The following PRRC2B variants were observed in gnomAD, a reference collection of about 807,000 sequenced individuals.
PRRC2B encodes proline rich coiled-coil 2B.
Under a neutral mutation model 242.3 loss-of-function variants are expected in PRRC2B, and 68 were observed. That is an observed-to-expected ratio of 0.28 (90% confidence interval 0.23 to 0.34). PRRC2B has a LOEUF of 0.34. PRRC2B is among the 10% of genes least tolerant of loss of function. PRRC2B has a pLI of 1.00. For synonymous variants in PRRC2B, 1,228 were observed against 1,173.6 expected, an observed-to-expected ratio of 1.05 and a Z score of -0.95; for missense variants, 2,835 against 2,954.8, an observed-to-expected ratio of 0.96 and a Z score of 0.94.
intron 29 of PRRC2B, 124 bp from the exon 30 acceptor site, chr9:131,492,045 A>G (rs904199500): frequency 1.3e-5 from 10 of 747,962 alleles, no homozygotes; most frequent in Middle Eastern, 2.5e-4. Flanking sequence ...CCACTGCTCT[A>G]TAAGATGCCT....
chr9:131,483,509 G>A, intron 23 of PRRC2B, 64 bp downstream of exon 23: 1 of 1,406,800 alleles, frequency 7.1e-7, no homozygotes, highest in Admixed American at 1.7e-5. Flanking sequence ...CTGGGTGAAG[G>A]AGACAGCACA....
rs780735349 is a variant in PRRC2B, at chr9:131,495,843, G to T, written c.6659G>T (p.Arg2220Leu). The change falls in exon 32 of 32, where the codon CGG becomes CTG. Residue 2220 changes from arginine to leucine, a missense_variant. Arg to Leu is a moderately radical substitution (Grantham distance 102, BLOSUM62 -2). Around this residue, in one of 7 missense-constraint regions of PRRC2B, gnomAD observed 574 missense variants for 626.0 expected, o/e 0.92. Transcript: ENST00000683519. ...QMKRTGAIKP[R>L]AVKVEESKA Reference sequence around the variant, plus strand: ...AAGCGAACCGGAGCGATCAAGCCTCGGGCTGTCAAAGTGGAGGAGAGTAAG... The same window carrying T: ...AAGCGAACCGGAGCGATCAAGCCTCTGGCTGTCAAAGTGGAGGAGAGTAAG... 6 of 1,610,412 alleles carry T rather than the reference G, an allele frequency of 3.7e-6. No homozygotes were observed. The highest frequency in any genetic ancestry group is 2.2e-5 in the East Asian group (1 of 44,770).
chr9:131,495,694 T>G (rs1427261319), intron 31 of PRRC2B, 46 bp from the exon 32 acceptor site: 16 of 1,584,010 alleles, frequency 1.0e-5, no homozygotes, highest in Non-Finnish European at 1.3e-5. Context: ...TCCAAACACG[T>G]TTCAGCGTCA....
intron 10 of PRRC2B, among the ~76,000 whole-genome samples, chr9:131,456,719 C>CT (rs1943092336): frequency 6.6e-6 from 1 of 151,980 alleles, no homozygotes; most frequent in South Asian, 2.1e-4. Context: ...GGTGGGAGGA[C>CT]TACTGGAATC....
rs764717424 is a variant in PRRC2B, at chr9:131,484,937, T to C, written c.5566-11T>C. On this transcript the variant is annotated splice_polypyrimidine_tract_variant and intron_variant, in intron 24 of 31. Transcript: ENST00000683519. ...TAATTTTCATCCCTCCCCCTCCCCT[T>C]GCTTCTGAAGATGGAGTCTGCGCGC... 1.2e-6 allele frequency: 2 copies of C among 1,601,238 alleles called. No homozygotes were observed. The highest frequency in any genetic ancestry group is 1.7e-6 in the Non-Finnish European group (2 of 1,169,952).
chr9:131,390,103 CAG>C (rs770138628), upstream of PRRC2B, among the ~76,000 whole-genome samples: 7 of 149,210 alleles, frequency 4.7e-5, no homozygotes, highest in Non-Finnish European at 1.0e-4. Flanking sequence ...TTGGTAGAGA[CAG>C]GGTTTCACCG....
Position 131,481,723 on chromosome 9 carries a change from C to T in PRRC2B, c.4901-3C>T, listed in dbSNP as rs749942050. 2 of 1,559,054 alleles carry T rather than the reference C, an allele frequency of 1.3e-6. No individual in the cohort carries two copies. The highest frequency in any genetic ancestry group is 4.8e-5 in the East Asian group (2 of 41,478). On this transcript the variant is annotated splice_polypyrimidine_tract_variant and splice_region_variant and intron_variant, in intron 19 of 31. Transcript: ENST00000683519. ...CCCTGACTCTGTCTTCCTCCCCTGG[C>T]AGCTCTCCCTGTGCAGGCCCCAGCC... is the stretch of plus-strand genomic sequence containing the variant.
chr9:131,382,639 T>C (rs1836775825), intron 1 of PRRC2B, among the ~76,000 whole-genome samples: 2 of 150,850 alleles, frequency 1.3e-5, no homozygotes, highest in South Asian at 2.1e-4. Context: ...CAGGCCCCCA[T>C]TCCTTTTTTT....
intron 1 of PRRC2B, among the ~76,000 whole-genome samples, chr9:131,402,281 A>G (rs762339527): frequency 3.9e-5 from 6 of 152,124 alleles, no homozygotes; most frequent in Non-Finnish European, 8.8e-5. Flanking sequence ...TGCCCTGCCA[A>G]CCATTTTACT....
chr9:131,420,608 G>A (rs771754673), intron 1 of PRRC2B, among the ~76,000 whole-genome samples: 2 of 147,946 alleles, frequency 1.4e-5, no homozygotes, highest in Middle Eastern at 3.4e-3. Context: ...TCCTGTCTCA[G>A]CCTCCTGAGT....
At chr9:131,409,404 G>A (rs1028441401) in intron 1 of PRRC2B, among the ~76,000 whole-genome samples, 1 of 151,754 alleles carries the variant, frequency 6.6e-6, no homozygotes, top group Admixed American at 6.6e-5. Context: ...GGCTGGTCTC[G>A]AACGCCTGAC....
chr9:131,474,643 G>C lies in PRRC2B; in HGVS notation c.2514G>C (p.Gln838His). 6.2e-7 allele frequency: 1 copy of C among 1,613,908 alleles called. No homozygotes were observed. Among genetic ancestry groups the C allele is most frequent in the East Asian group, 2.2e-5 (1 of 44,882 alleles). Residue 838 changes from glutamine to histidine, a missense_variant, in exon 16 of 32, where the codon CAG becomes CAC. Physicochemically the swap from Gln to His is conservative, Grantham distance 24. Around this residue, in one of 7 missense-constraint regions of PRRC2B, gnomAD observed 1,536 missense variants for 1,483.1 expected, o/e 1.04. Transcript: ENST00000683519. ...TGTTTCCACCCCAAGAAAATGTTCA[G>C]GATGCAGGTGCTCCTGGGGGTCACA... ...ELLFPPQENV[Q>H]DAGAPGGHTQ...
At chr9:131,432,176 A>G (rs1838198846) in intron 2 of PRRC2B, among the ~76,000 whole-genome samples, 1 of 152,170 alleles carries the variant, frequency 6.6e-6, no homozygotes, top group Admixed American at 6.5e-5. Flanking sequence ...TTCACACCCC[A>G]TGAAGACTTC....
intron 1 of PRRC2B, among the ~76,000 whole-genome samples, chr9:131,409,881 A>G (rs1319631804): frequency 6.6e-6 from 1 of 152,276 alleles, no homozygotes; most frequent in Non-Finnish European, 1.5e-5. Context: ...CTACTAAATC[A>G]GATTGTACAA....
intron 11 of PRRC2B, among the ~76,000 whole-genome samples, chr9:131,459,963 C>T (rs1393977280): frequency 2.3e-4 from 21 of 90,844 alleles, no homozygotes; most frequent in Admixed American, 9.7e-4. Flanking sequence ...CAGTGAAACC[C>T]TATCTCCAAA....
intron 1 of PRRC2B, among the ~76,000 whole-genome samples, chr9:131,428,047 G>T (rs746977433): frequency 2.0e-5 from 3 of 151,876 alleles, no homozygotes; most frequent in Admixed American, 1.3e-4. Flanking sequence ...TCAGCCTCCT[G>T]AGTAGCTGGG....
intron 25 of PRRC2B, among the ~76,000 whole-genome samples, 188 bp downstream of exon 25, chr9:131,485,328 G>A (rs779253838): frequency 6.6e-6 from 1 of 152,186 alleles, no homozygotes; most frequent in African/African-American, 2.4e-5. Flanking sequence ...GCTTCCCCAC[G>A]CTGGGAAACA....
At position 131,475,093 on chromosome 9, in the gene PRRC2B, C is replaced by G. The variant is rs566578338; in HGVS notation, c.2964C>G (p.Asp988Glu). 6.8e-6 allele frequency: 11 copies of G among 1,610,704 alleles called. No individual in the cohort carries two copies. Among genetic ancestry groups the G allele is most frequent in the Non-Finnish European group, 8.5e-6 (10 of 1,178,574 alleles). Reference protein sequence around the residue: ...EQSPTAEKDEDEENDASLANS... With the variant: ...EQSPTAEKDEEEENDASLANS... ...GCCCCACGGCAGAAAAGGATGAGGA[C>G]GAAGAGAACGATGCCTCTCTGGCCA... The change falls in exon 16 of 32, where the codon GAC becomes GAG. Residue 988 changes from aspartate (D) to glutamate (E), a missense_variant. By Grantham distance (45) the Asp-to-Glu change is conservative (BLOSUM62 2). Around this residue, in one of 7 missense-constraint regions of PRRC2B, gnomAD observed 1,536 missense variants for 1,483.1 expected, o/e 1.04. Transcript: ENST00000683519.
In PRRC2B at chr9:131,482,662, G is replaced by A; in HGVS notation, c.5176-48G>A. 1 of 1,520,972 alleles carries A rather than the reference G, an allele frequency of 6.6e-7. No homozygotes were observed. The highest frequency in any genetic ancestry group is 8.8e-7 in the Non-Finnish European group (1 of 1,131,742). The allele number at this position is 1,520,972 out of a possible 1,614,324, so 94.2% of individuals were successfully genotyped here. On this transcript the variant is annotated intron_variant, in intron 21 of 31. Coordinates refer to ENST00000683519, the MANE Select transcript of PRRC2B (RefSeq NM_013318.4). The surrounding 1 kb of genome is among the most constrained non-coding windows in gnomAD (Gnocchi z 5.2). ...CCTGGGACAGTAGAAGCTAGAGAGT[G>A]TGGTCATTCCAGTCTGTGTGTCTCC...
Sources: gnomAD v4.1 joint callset for allele counts (sites outside exome capture counted in the v4.1 genomes callset) on GRCh38, gnomAD v4.1.1 for gene constraint, gnomAD v4.1.1 regional missense constraint, Gnocchi (gnomAD v3.1) non-coding constraint, MANE v1.5 for transcripts, NCBI Gene and HGNC (gene_info 2026-07-23, HGNC 2026-07-21) for gene names.